The following FBXL18 variants were observed in gnomAD, a reference collection of about 807,000 sequenced individuals.
FBXL18 encodes F-box and leucine rich repeat protein 18.
Under a neutral mutation model 46.0 loss-of-function variants are expected in FBXL18, and 36 were observed. The ratio of observed to expected loss-of-function variants is 0.78; its 90% CI spans 0.60 to 1.03. FBXL18 has a LOEUF of 1.03. FBXL18 is among the 50% of genes least tolerant of loss of function. The pLI, the probability that FBXL18 is intolerant of heterozygous loss-of-function variation, is 0.00. For missense variants in FBXL18, 977 were observed against 1,004.1 expected (o/e 0.97, Z 0.36); for synonymous variants, 557 against 465.3 (o/e 1.20, Z -2.54).
At chr7:5,489,957 A>C (rs1783874724) in intron 4 of FBXL18, 1 of 1,271,922 alleles carries the variant, frequency 7.9e-7, no homozygotes. Flanking sequence ...ACAAACAAAC[A>C]AGAAAAAAGA....
At chr7:5,498,357 A>G (rs1164179433) in intron 3 of FBXL18, among the ~76,000 whole-genome samples, 1 of 152,142 alleles carries the variant, frequency 6.6e-6, no homozygotes, top group Non-Finnish European at 1.5e-5. Context: ...AAGTGCTGGG[A>G]TTACAGGCGT....
intron 1 of FBXL18, among the ~76,000 whole-genome samples, chr7:5,510,706 T>C (rs915407093): frequency 1.5e-5 from 2 of 134,138 alleles, no homozygotes; most frequent in African/African-American, 6.0e-5. Context: ...AAAAAAAAAA[T>C]CTAGGTAACT....
At position 5,500,726 on chromosome 7, in the gene FBXL18, G is replaced by A. The variant is rs1784216669; in HGVS notation, c.1543C>T (p.Arg515Cys). The A allele has an allele frequency of 3.1e-6, 5 of 1,612,138 alleles. No individual in the cohort carries two copies. The highest frequency in any genetic ancestry group is 2.7e-5 in the African/African-American group (2 of 74,918). ...TCCGAGTCCCCGACACTCTGTGCGC[G>A]GCTGCAGGGTGGGAGCGAGTTGCGG... ...AIRNSLPPCSRAQSVGDSEVA... is the reference protein window; with the variant it reads ...AIRNSLPPCSCAQSVGDSEVA... The change falls in exon 3 of 5, where the codon CGC becomes TGC. Residue 515 changes from arginine to cysteine, a missense_variant. Arg to Cys is a radical substitution (Grantham distance 180). Coordinates refer to ENST00000382368, the MANE Select transcript of FBXL18 (RefSeq NM_024963.6).
chr7:5,473,885 C>T (rs1167178651), downstream of FBXL18, among the ~76,000 whole-genome samples: 1 of 152,100 alleles, frequency 6.6e-6, no homozygotes. Context: ...GCCCCCACCT[C>T]CCAGGTTCAA....
chr7:5,492,868 G>C (rs779001403), intron 3 of FBXL18, among the ~76,000 whole-genome samples: 3 of 152,158 alleles, frequency 2.0e-5, no homozygotes, highest in Non-Finnish European at 4.4e-5. Flanking sequence ...CCCATAGCCT[G>C]ATTTGGGGCC....
chr7:5,469,567 G>A (rs768262961), intron 4 of FBXL18, among the ~76,000 whole-genome samples: 15 of 151,622 alleles, frequency 9.9e-5, no homozygotes, highest in Admixed American at 1.3e-4. Context: ...GGGGGTGTAC[G>A]TGCAAATCCA....
downstream of FBXL18, among the ~76,000 whole-genome samples, chr7:5,473,760 C>CAAA (rs1195674210): frequency 1.7e-5 from 1 of 58,128 alleles, no homozygotes; most frequent in Non-Finnish European, 3.6e-5. Context: ...GACTCCATCT[C>CAAA]AAAAAAAAAA....
chr7:5,457,211 G>A (rs750308714), intron 4 of FBXL18, among the ~76,000 whole-genome samples: 7 of 152,186 alleles, frequency 4.6e-5, no homozygotes, highest in African/African-American at 9.7e-5. Flanking sequence ...CACAAAATTC[G>A]ATCTGTCCCA....
rs186242908 is a variant in FBXL18, at chr7:5,499,510, C to A, written c.1781+978G>T. 3.0e-3 allele frequency among the ~76,000 whole-genome samples: 459 copies of A among 152,286 alleles called. 3 individuals carry two copies. Among genetic ancestry groups the A allele is most frequent in the African/African-American group, 0.011 (443 of 41,568 alleles). ...TCGGGAGGCTGAGGCAGGTGAATCA[C>A]CTGAGGTCAGGAGTTCAAGACCAGC... On this transcript the variant is annotated intron_variant, in intron 3 of 4. Coordinates refer to ENST00000382368, the MANE Select transcript of FBXL18 (RefSeq NM_024963.6).
intron 4 of FBXL18, among the ~76,000 whole-genome samples, chr7:5,460,626 T>C (rs1299420665): frequency 1.3e-5 from 2 of 152,302 alleles, no homozygotes; most frequent in East Asian, 1.9e-4. Flanking sequence ...CTAATTTTTG[T>C]ATTTTTAGTA....
At chr7:5,462,882 C>T (rs1355279996) in intron 4 of FBXL18, among the ~76,000 whole-genome samples, 5 of 141,470 alleles carry the variant, frequency 3.5e-5, no homozygotes, top group East Asian at 2.1e-4. Flanking sequence ...ACCCAGGAGG[C>T]GGAGCTTGCA....
At chr7:5,467,853 A>G (rs1264467462) in intron 4 of FBXL18, among the ~76,000 whole-genome samples, 1 of 152,148 alleles carries the variant, frequency 6.6e-6, no homozygotes, top group Non-Finnish European at 1.5e-5. Flanking sequence ...AGACAACCTA[A>G]TTGTCTGACA....
At position 5,513,777 on chromosome 7, in the gene FBXL18, G is replaced by A. The variant is rs374330411; in HGVS notation, c.-103C>T. 41 of 1,482,134 alleles carry A rather than the reference G, an allele frequency of 2.8e-5. No homozygotes were observed. Among genetic ancestry groups the A allele is most frequent in the East Asian group, 7.5e-5 (3 of 40,142 alleles). The allele number at this position is 1,482,134 out of a possible 1,614,324, so 91.8% of individuals were successfully genotyped here. On this transcript the variant is annotated 5_prime_UTR_variant, in exon 1 of 5. Coordinates refer to ENST00000382368, the MANE Select transcript of FBXL18 (RefSeq NM_024963.6). ...GCCGGCGCGTCCACCGCTCAACCGA[G>A]ACCCCGGCAAGGAGCGGGCTCTCGT...
chr7:5,502,895 T>A (rs1253963295), intron 2 of FBXL18, among the ~76,000 whole-genome samples: 1 of 150,674 alleles, frequency 6.6e-6, no homozygotes, highest in Non-Finnish European at 1.5e-5. Flanking sequence ...GGCTACCACA[T>A]GAGCCAGCAA....
At chr7:5,502,366 C>G (rs1205943620) in intron 2 of FBXL18, among the ~76,000 whole-genome samples, 1 of 151,966 alleles carries the variant, frequency 6.6e-6, no homozygotes, top group African/African-American at 2.4e-5. Flanking sequence ...GAAGCCCGAT[C>G]TCAACTGAAA....
Position 5,501,105 on chromosome 7 carries a change from C to T in FBXL18, c.1164G>A (p.Leu388=), listed in dbSNP as rs753350556. 2 of 1,612,790 alleles carry T rather than the reference C, an allele frequency of 1.2e-6. No individual in the cohort carries two copies. Among genetic ancestry groups the T allele is most frequent in the Middle Eastern group, 1.7e-4 (1 of 6,038 alleles). The change falls in exon 3 of 5, where the codon CTG becomes CTA. Residue 388 remains leucine, a synonymous_variant. Coordinates refer to ENST00000382368, the MANE Select transcript of FBXL18 (RefSeq NM_024963.6). ...LVASCCNLRH[L]NLSAAHHHSS... ...TGTGGTGGTGGGCGGCCGAGAGGTT[C>T]AGGTGGCGCAGGTTGCAGCAGGACG...
At chr7:5,502,925 C>T (rs1022912923) in intron 2 of FBXL18, among the ~76,000 whole-genome samples, 1 of 152,148 alleles carries the variant, frequency 6.6e-6, no homozygotes, top group Non-Finnish European at 1.5e-5. Flanking sequence ...TAGGGACAGA[C>T]CCAAAGGAAC....
chr7:5,511,326 C>G (rs1784525800), intron 1 of FBXL18, among the ~76,000 whole-genome samples: 1 of 152,070 alleles, frequency 6.6e-6, no homozygotes, highest in African/African-American at 2.4e-5. Context: ...CGCCTGTAAT[C>G]TCAGCACTAT....
chr7:5,510,852 G>A (rs534750448), intron 1 of FBXL18, among the ~76,000 whole-genome samples: 3 of 152,092 alleles, frequency 2.0e-5, no homozygotes, highest in Non-Finnish European at 4.4e-5. Flanking sequence ...CATTCCTGGG[G>A]TCTCCTGAAA....
Sources: gnomAD v4.1 joint callset for allele counts (sites outside exome capture counted in the v4.1 genomes callset) on GRCh38, gnomAD v4.1.1 for gene constraint, MANE v1.5 for transcripts, NCBI Gene and HGNC (gene_info 2026-07-23, HGNC 2026-07-21) for gene names.